Variants in NFIA observed in about 807,000 individuals in gnomAD.
NFIA encodes the protein nuclear factor 1 A-type.
A neutral mutation model predicts 62.8 loss-of-function variants in NFIA; 8 were observed. That is an observed-to-expected ratio of 0.13 (90% CI 0.07 to 0.23). The LOEUF is 0.23. Ranked by LOEUF, NFIA falls within the 10% of genes least tolerant of loss-of-function variation. NFIA has a pLI of 1.00. For synonymous variants in NFIA, 235 were observed against 238.1 expected (o/e 0.99, Z 0.12); for missense variants, 410 against 642.1 (o/e 0.64, Z 3.91).
rs761025450 is a variant in NFIA at position 61,406,638 on chromosome 1, C to T, written c.1331C>T (p.Pro444Leu). The T allele has an allele frequency of 6.2e-6, 10 of 1,612,772 alleles. No individual in the cohort carries two copies. The highest frequency in any genetic ancestry group is 1.7e-5 in the Admixed American group (1 of 59,830). The part of the protein sequence containing the change: ...TPMLPPPPPP[P>L]MARPVPLPVP... ...ATGTTGCCACCGCCACCGCCACCAC[C>T]GATGGCCAGGCCTGTGCCTCTGCCG... The change falls in exon 9 of 11, where the codon CCG becomes CTG. Residue 444 changes from proline (P) to leucine (L), a missense_variant. Coordinates refer to ENST00000403491, the MANE Select transcript of NFIA (RefSeq NM_001134673.4).
chr1:61,254,829 A>G (rs1250135061), intron 2 of NFIA, among the ~76,000 whole-genome samples: 1 of 152,192 alleles, frequency 6.6e-6, no homozygotes, highest in African/African-American at 2.4e-5. Flanking sequence ...TAGTAGTAGA[A>G]TTTTAGTGTT....
In NFIA at chr1:61,094,500, G is replaced by A. The variant is rs78172810; in HGVS notation, c.559+5820G>A. On this transcript the variant is annotated intron_variant, in intron 2 of 10. Transcript: ENST00000403491. Reference sequence around the variant, plus strand: ...TTTTTATTCAAGTTTTTAGGAAAAGGTTTTGCAAAAATTCTTTTTAGAATT... The same window carrying A: ...TTTTTATTCAAGTTTTTAGGAAAAGATTTTGCAAAAATTCTTTTTAGAATT... Among the ~76,000 whole-genome samples the A allele has an allele frequency of 8.6e-3, 1,307 of 152,236 alleles. 18 individuals carry two copies. Among genetic ancestry groups the A allele is most frequent in the Non-Finnish European group, 0.014 (986 of 68,002 alleles).
At chr1:61,404,689 G>T (rs575078688) in intron 8 of NFIA, among the ~76,000 whole-genome samples, 4 of 152,286 alleles carry the variant, frequency 2.6e-5, no homozygotes, top group Admixed American at 2.6e-4. Flanking sequence ...AGATGTTTCA[G>T]ATCAACTAAG....
At chr1:61,222,108 G>A (rs1389396912) in intron 2 of NFIA, among the ~76,000 whole-genome samples, 1 of 152,152 alleles carries the variant, frequency 6.6e-6, no homozygotes, top group African/African-American at 2.4e-5. Flanking sequence ...GTTTTAAAGT[G>A]ATCTACGTGT....
chr1:61,175,023 T>TAA (rs780334391), intron 2 of NFIA, among the ~76,000 whole-genome samples: 1 of 150,652 alleles, frequency 6.6e-6, no homozygotes, highest in Non-Finnish European at 1.5e-5. Flanking sequence ...GTATAGGATT[T>TAA]AAAAAAAAAC....
chr1:61,395,289 T>TGTG (rs202238675), intron 7 of NFIA, among the ~76,000 whole-genome samples: 66 of 134,886 alleles, frequency 4.9e-4, no homozygotes, highest in East Asian at 4.3e-3. Context: ...TGTGTGTGTG[T>TGTG]TTTTTTTTTT....
intron 2 of NFIA, among the ~76,000 whole-genome samples, chr1:61,098,006 G>A (rs1050572841): frequency 1.3e-5 from 2 of 152,104 alleles, no homozygotes; most frequent in African/African-American, 4.8e-5. Flanking sequence ...GCCCTTCTTC[G>A]TGGCATTTTT....
intron 2 of NFIA, among the ~76,000 whole-genome samples, chr1:61,235,550 C>A: frequency 6.7e-6 from 1 of 149,982 alleles, no homozygotes. Flanking sequence ...GTTTGGTGGC[C>A]CATGCCTGTA....
chr1:61,113,179 A>G (rs1646733458), intron 2 of NFIA, among the ~76,000 whole-genome samples: 1 of 152,012 alleles, frequency 6.6e-6, no homozygotes, highest in South Asian at 2.1e-4. Flanking sequence ...AAGTTTCTTA[A>G]TTCACAGGTT....
chr1:61,285,940 C>A (rs1463916797), intron 3 of NFIA, among the ~76,000 whole-genome samples: 2 of 152,154 alleles, frequency 1.3e-5, no homozygotes, highest in African/African-American at 4.8e-5. Context: ...AGCTTCTCAG[C>A]AAGTAGCACT....
At chr1:61,196,982 TTTAA>T (rs913630335) in intron 2 of NFIA, among the ~76,000 whole-genome samples, 1 of 152,080 alleles carries the variant, frequency 6.6e-6, no homozygotes, top group African/African-American at 2.4e-5. Flanking sequence ...TGTATTTGTG[TTTAA>T]TTAAACAGAG....
chr1:61,418,235 A>G (rs995098973), intron 9 of NFIA, among the ~76,000 whole-genome samples: 6 of 152,200 alleles, frequency 3.9e-5, no homozygotes, highest in African/African-American at 1.2e-4. Flanking sequence ...AGGCTGAGAC[A>G]GGAAGATGGC....
At chr1:61,334,285 G>T (rs559660666) in intron 4 of NFIA, among the ~76,000 whole-genome samples, 12 of 152,078 alleles carry the variant, frequency 7.9e-5, no homozygotes, top group Non-Finnish European at 1.6e-4. Context: ...TGCTGCCATG[G>T]TATTGAAGCG....
chr1:61,349,218 G>A (rs986555079), intron 4 of NFIA, among the ~76,000 whole-genome samples: 3 of 152,202 alleles, frequency 2.0e-5, no homozygotes, highest in African/African-American at 4.8e-5. Flanking sequence ...TACACTTATT[G>A]TCAAGCCTCA....
intron 2 of NFIA, among the ~76,000 whole-genome samples, chr1:61,225,087 G>C (rs1322676965): frequency 2.0e-5 from 3 of 151,118 alleles, no homozygotes; most frequent in Non-Finnish European, 2.9e-5. Context: ...TCCACCTTAA[G>C]TTTGCTCCAT....
intron 2 of NFIA, among the ~76,000 whole-genome samples, chr1:61,175,042 A>G (rs769303495): frequency 5.9e-5 from 9 of 152,152 alleles, no homozygotes; most frequent in Non-Finnish European, 1.0e-4. Flanking sequence ...ACAAAAAAAC[A>G]CATCTCAAAC....
intron 2 of NFIA, among the ~76,000 whole-genome samples, chr1:61,206,612 CCTT>C (rs1365708868): frequency 2.0e-5 from 3 of 152,184 alleles, no homozygotes; most frequent in African/African-American, 7.2e-5. Flanking sequence ...ACACATATTG[CCTT>C]CTTTTCTGTG....
intron 9 of NFIA, 35 bp from the exon 10 acceptor site, chr1:61,426,430 C>T (rs1557429163): frequency 3.5e-6 from 5 of 1,428,690 alleles, no homozygotes; most frequent in East Asian, 2.5e-5. Context: ...AATCTCGTGC[C>T]GCTTCCTGAA....
At chr1:61,282,938 T>C (rs1000757569) in intron 3 of NFIA, among the ~76,000 whole-genome samples, 2 of 152,212 alleles carry the variant, frequency 1.3e-5, no homozygotes, top group African/African-American at 4.8e-5. Flanking sequence ...GTTGCACATA[T>C]GTTGGTGGCA....
Sources: allele counts gnomAD v4.1 joint callset (sites outside exome capture counted in the v4.1 genomes callset), GRCh38; gene constraint gnomAD v4.1.1; transcripts MANE v1.5; gene names NCBI Gene and HGNC (gene_info 2026-07-23, HGNC 2026-07-21).